The following CHRM3 variants were observed in gnomAD, a reference collection of about 807,000 sequenced individuals.
CHRM3 encodes cholinergic receptor muscarinic 3.
In CHRM3, 11 loss-of-function variants were observed where a neutral mutation model predicts 41.8. The observed-to-expected ratio is 0.26, with a 90% CI of 0.17 to 0.44. The LOEUF is 0.44. Ranked by LOEUF, CHRM3 falls within the 20% of genes least tolerant of loss-of-function variation. The probability of loss-of-function intolerance (pLI) is 1.00; values close to 1 mark genes in which losing one functional copy is unlikely to be tolerated. For missense variants in CHRM3, 571 were observed against 745.4 expected (o/e 0.77, Z 2.72); for synonymous variants, 297 against 301.4 (o/e 0.99, Z 0.15).
intron 6 of CHRM3, among the ~76,000 whole-genome samples, chr1:239,834,729 A>C (rs1673173620): frequency 6.6e-6 from 1 of 152,202 alleles, no homozygotes; most frequent in Non-Finnish European, 1.5e-5. Flanking sequence ...CTTGAAATAC[A>C]GTAGCATGGC....
Position 239,908,507 on chromosome 1 carries a change from C to T in CHRM3, c.1056C>T (p.Ser352=), listed in dbSNP as rs746299563. Residue 352 remains serine, a synonymous_variant, in exon 7 of 7, where the codon TCC becomes TCT. Coordinates refer to ENST00000676153, the MANE Select transcript of CHRM3 (RefSeq NM_001375978.1). The surrounding 1 kb of genome is among the most constrained non-coding windows in gnomAD (Gnocchi z 7.2). ...CCTCCCTGGAGAACTCCGCCTCCTC[C>T]GACGAGGAGGACATTGGCTCCGAGA... is the stretch of plus-strand genomic sequence containing the variant. ...AAASLENSAS[S]DEEDIGSETR... is the part of the protein sequence containing the mutation. The T allele has an allele frequency of 3.9e-5, 62 of 1,599,936 alleles. No homozygotes were observed. Among genetic ancestry groups the T allele is most frequent in the Non-Finnish European group, 4.9e-5 (58 of 1,173,116 alleles).
chr1:239,705,663 T>G (rs1661086830), intron 5 of CHRM3: 1 of 152,166 alleles, frequency 6.6e-6, no homozygotes, highest in Non-Finnish European at 1.5e-5. Context: ...AGCCTCATTT[T>G]AAGGCGATTA....
chr1:239,899,193 T>C (rs1679269997), intron 6 of CHRM3, among the ~76,000 whole-genome samples: 2 of 152,098 alleles, frequency 1.3e-5, no homozygotes, highest in Non-Finnish European at 1.5e-5. Flanking sequence ...TGCATTCTGA[T>C]ACGTCCTATT....
chr1:239,594,147 TG>T (rs1399025658), intron 3 of CHRM3, among the ~76,000 whole-genome samples: 1 of 152,246 alleles, frequency 6.6e-6, no homozygotes, highest in African/African-American at 2.4e-5. Flanking sequence ...TTTTAACATT[TG>T]GAAATCAAAA....
chr1:239,404,016 ACC>A (rs1660221700), intron 1 of CHRM3, among the ~76,000 whole-genome samples: 10 of 118,324 alleles, frequency 8.5e-5, no homozygotes, highest in East Asian at 5.6e-4. Context: ...AGAGAGAGAT[ACC>A]TGGCTCGGTG....
intron 5 of CHRM3, among the ~76,000 whole-genome samples, chr1:239,795,385 G>T (rs1669686315): frequency 6.6e-6 from 1 of 152,150 alleles, no homozygotes. Context: ...CTTAAGTTTT[G>T]CTCAGCAATT....
chr1:239,786,071 T>G (rs970215429), intron 5 of CHRM3, among the ~76,000 whole-genome samples: 6 of 152,212 alleles, frequency 3.9e-5, no homozygotes, highest in Non-Finnish European at 7.3e-5. Flanking sequence ...TAGTATACTT[T>G]GAAGGGTTCC....
At chr1:239,902,256 C>A (rs926667760) in intron 6 of CHRM3, among the ~76,000 whole-genome samples, 5 of 152,180 alleles carry the variant, frequency 3.3e-5, no homozygotes, top group African/African-American at 1.2e-4. Context: ...TATTAGCCTA[C>A]AACACCACAA....
At chr1:239,396,343 T>C (rs916421820) in intron 1 of CHRM3, among the ~76,000 whole-genome samples, 2 of 152,110 alleles carry the variant, frequency 1.3e-5, no homozygotes, top group Admixed American at 1.3e-4. Flanking sequence ...ATATAAAATA[T>C]GTAAACAGGC....
At chr1:239,623,483 G>GTT (rs34689648) in intron 3 of CHRM3, among the ~76,000 whole-genome samples, 46 of 133,546 alleles carry the variant, frequency 3.4e-4, no homozygotes, top group Middle Eastern at 4.3e-3. Context: ...TGGTGTATAA[G>GTT]TTTTTTTTTT....
intron 5 of CHRM3, among the ~76,000 whole-genome samples, chr1:239,786,599 C>T (rs542747782): frequency 6.6e-6 from 1 of 152,284 alleles, no homozygotes; most frequent in South Asian, 2.1e-4. Context: ...CTAAGCAGCT[C>T]AGGCAGGGAC....
At chr1:239,643,493 G>A (rs750393884) in intron 4 of CHRM3, among the ~76,000 whole-genome samples, 27 of 152,268 alleles carry the variant, frequency 1.8e-4, no homozygotes, top group Middle Eastern at 3.4e-3. Context: ...TCCCCCAGCC[G>A]CGCTGCCGCC....
chr1:239,741,969 T>G (rs1273898121), intron 5 of CHRM3, among the ~76,000 whole-genome samples: 1 of 152,204 alleles, frequency 6.6e-6, no homozygotes, highest in African/African-American at 2.4e-5. Context: ...CAGCTTCTAC[T>G]CATCTCTTGA....
intron 1 of CHRM3, among the ~76,000 whole-genome samples, chr1:239,489,244 G>A (rs975883792): frequency 6.6e-6 from 1 of 151,888 alleles, no homozygotes; most frequent in Non-Finnish European, 1.5e-5. Context: ...AAACCCTGTC[G>A]CTACTAAAAA....
chr1:239,449,442 G>A (rs1356772011), intron 1 of CHRM3, among the ~76,000 whole-genome samples: 1 of 152,078 alleles, frequency 6.6e-6, no homozygotes, highest in Non-Finnish European at 1.5e-5. Flanking sequence ...TTGCAAGGGA[G>A]GTGACTATGA....
intron 5 of CHRM3, among the ~76,000 whole-genome samples, chr1:239,710,913 C>G (rs1162067969): frequency 6.6e-6 from 1 of 151,992 alleles, no homozygotes; most frequent in African/African-American, 2.4e-5. Context: ...AAGCCTGTCT[C>G]CTTCTTTCCC....
intron 1 of CHRM3, among the ~76,000 whole-genome samples, chr1:239,388,741 G>T (rs750565108): frequency 1.3e-5 from 2 of 152,212 alleles, no homozygotes; most frequent in African/African-American, 2.4e-5. Flanking sequence ...ATATCCCGAA[G>T]TATACATGTG....
intron 2 of CHRM3, among the ~76,000 whole-genome samples, chr1:239,495,971 G>C (rs1003606209): frequency 2.0e-5 from 3 of 152,192 alleles, no homozygotes; most frequent in East Asian, 1.9e-4. Flanking sequence ...ACTATCATTG[G>C]GAGGCCAGAG....
At chr1:239,528,387 T>C (rs1482835609) in intron 2 of CHRM3, among the ~76,000 whole-genome samples, 1 of 152,230 alleles carries the variant, frequency 6.6e-6, no homozygotes, top group Non-Finnish European at 1.5e-5. Context: ...GGATCCTTTC[T>C]GTCCTGCACT....
Sources: allele counts gnomAD v4.1 joint callset (sites outside exome capture counted in the v4.1 genomes callset), GRCh38; gene constraint gnomAD v4.1.1; non-coding constraint Gnocchi (gnomAD v3.1); transcripts MANE v1.5; gene names NCBI Gene and HGNC (gene_info 2026-07-23, HGNC 2026-07-21).